CNTNAP2: variants seen among roughly 807,000 people sequenced by gnomAD.
CNTNAP2 encodes contactin-associated protein-like 2.
CNTNAP2 carries 98 observed loss-of-function variants against 155.2 expected under a neutral mutation model. That is an observed-to-expected ratio of 0.63 (90% confidence interval 0.54 to 0.75). The LOEUF is 0.75. Ranked by LOEUF, CNTNAP2 falls within the 30% of genes least tolerant of loss-of-function variation. The pLI is 0.00. For synonymous variants in CNTNAP2, 651 were observed against 631.2 expected (o/e 1.03, Z -0.47); for missense variants, 1,727 against 1,688.1 (o/e 1.02, Z -0.40).
At chr7:147,647,059 C>T (rs1169585041) in intron 13 of CNTNAP2, among the ~76,000 whole-genome samples, 1 of 151,596 alleles carries the variant, frequency 6.6e-6, no homozygotes. Flanking sequence ...AGGCTCACTG[C>T]AACCTCAGCC....
intron 1 of CNTNAP2, among the ~76,000 whole-genome samples, chr7:146,759,542 A>G (rs1294148889): frequency 6.6e-6 from 1 of 151,966 alleles, no homozygotes; most frequent in African/African-American, 2.4e-5. Context: ...AAATACAAAA[A>G]AAATTAGCTA....
At chr7:147,355,546 C>G (rs749442374) in intron 9 of CNTNAP2, among the ~76,000 whole-genome samples, 1 of 151,568 alleles carries the variant, frequency 6.6e-6, no homozygotes, top group African/African-American at 2.4e-5. Flanking sequence ...GACTGCTAGT[C>G]AGATTAATAA....
At chr7:146,804,383 T>A (rs1802932013) in intron 2 of CNTNAP2, among the ~76,000 whole-genome samples, 1 of 152,194 alleles carries the variant, frequency 6.6e-6, no homozygotes, top group South Asian at 2.1e-4. Context: ...CTACAAATAT[T>A]TATTGAATGT....
intron 17 of CNTNAP2, among the ~76,000 whole-genome samples, chr7:148,153,240 G>GAAA (rs3056237): frequency 0.31 from 39,834 of 129,714 alleles, 5,847 homozygotes; most frequent in East Asian, 0.38. Flanking sequence ...CAAAGTAACC[G>GAAA]AAAAAAAAAA....
chr7:148,095,676 T>C (rs1377543619), intron 15 of CNTNAP2, among the ~76,000 whole-genome samples: 3 of 152,136 alleles, frequency 2.0e-5, no homozygotes, highest in Non-Finnish European at 4.4e-5. Flanking sequence ...ACTACAGAAA[T>C]AGAATATCAG....
At position 146,395,135 on chromosome 7, in the gene CNTNAP2, G is replaced by A. The variant is rs973286706; in HGVS notation, c.97+278162G>A. ...ACATATATACCACATTTTCTTTATC[G>A]CATCATCCACTGATGGACACATAGG... is the stretch of plus-strand genomic sequence containing the variant. On this transcript the variant is annotated intron_variant, in intron 1 of 23. Coordinates refer to ENST00000361727, the MANE Select transcript of CNTNAP2 (RefSeq NM_014141.6). Among the ~76,000 whole-genome samples, 20 of 151,804 alleles carry A rather than the reference G, an allele frequency of 1.3e-4. 1 individual carries two copies. Among genetic ancestry groups the A allele is most frequent in the Non-Finnish European group, 4.4e-5 (3 of 67,994 alleles).
chr7:147,130,701 T>C (rs550730803), intron 7 of CNTNAP2, among the ~76,000 whole-genome samples: 1 of 152,242 alleles, frequency 6.6e-6, no homozygotes, highest in South Asian at 2.1e-4. Context: ...TGCTGGTATT[T>C]CAGTGAAATT....
intron 13 of CNTNAP2, among the ~76,000 whole-genome samples, chr7:147,735,177 C>T (rs1291813841): frequency 1.3e-5 from 2 of 152,126 alleles, no homozygotes; most frequent in Non-Finnish European, 2.9e-5. Context: ...AAATTTCCCT[C>T]TACACACTGA....
intron 13 of CNTNAP2, among the ~76,000 whole-genome samples, chr7:147,664,171 A>G (rs558940074): frequency 5.3e-5 from 8 of 152,240 alleles, no homozygotes; most frequent in Non-Finnish European, 1.0e-4. Context: ...CAGTGTGACT[A>G]TCAGGATTCT....
intron 13 of CNTNAP2, among the ~76,000 whole-genome samples, chr7:147,730,281 A>G (rs1796715996): frequency 6.6e-6 from 1 of 152,070 alleles, no homozygotes; most frequent in Non-Finnish European, 1.5e-5. Flanking sequence ...TGCTTTATTG[A>G]GCTTCGCAGA....
intron 11 of CNTNAP2, among the ~76,000 whole-genome samples, chr7:147,503,700 T>A (rs116418875): frequency 0.22 from 32,599 of 151,582 alleles, 4,165 homozygotes; most frequent in African/African-American, 0.35. Flanking sequence ...AAAAAAAATA[T>A]TTTTGACAGC....
intron 3 of CNTNAP2, among the ~76,000 whole-genome samples, chr7:146,930,510 C>G (rs1174380057): frequency 1.3e-5 from 2 of 152,150 alleles, no homozygotes; most frequent in East Asian, 3.9e-4. Context: ...ACCATCGATG[C>G]TAGGAAGAAA....
chr7:146,356,147 T>G (rs1794994853), intron 1 of CNTNAP2, among the ~76,000 whole-genome samples: 1 of 151,906 alleles, frequency 6.6e-6, no homozygotes, highest in Admixed American at 6.6e-5. Flanking sequence ...TAGCATTCCA[T>G]TTTCTGGACA....
chr7:146,590,898 A>G (rs558657629), intron 1 of CNTNAP2, among the ~76,000 whole-genome samples: 42 of 152,322 alleles, frequency 2.8e-4, no homozygotes, highest in African/African-American at 9.9e-4. Flanking sequence ...TATCCTGGAC[A>G]CATTGTTTTT....
At chr7:147,929,903 A>C (rs113697042) in intron 14 of CNTNAP2, among the ~76,000 whole-genome samples, 4 of 152,208 alleles carry the variant, frequency 2.6e-5, no homozygotes, top group Non-Finnish European at 4.4e-5. Context: ...TCTCATAAGG[A>C]GCACACAACC....
intron 18 of CNTNAP2, 76 bp downstream of exon 18, chr7:148,172,554 T>C: frequency 7.8e-7 from 1 of 1,288,140 alleles, no homozygotes; most frequent in East Asian, 2.3e-5. Flanking sequence ...TGATTTTTCA[T>C]ATGTAAACAA....
At chr7:147,247,747 A>G (rs1341883851) in intron 8 of CNTNAP2, among the ~76,000 whole-genome samples, 1 of 152,184 alleles carries the variant, frequency 6.6e-6, no homozygotes, top group African/African-American at 2.4e-5. Context: ...ATATCAAAGG[A>G]ATAGTTAAAA....
At chr7:147,856,430 T>C (rs1179414760) in intron 13 of CNTNAP2, among the ~76,000 whole-genome samples, 1 of 151,930 alleles carries the variant, frequency 6.6e-6, no homozygotes, top group Non-Finnish European at 1.5e-5. Flanking sequence ...AATGAATAAA[T>C]GTGGACGGGG....
intron 18 of CNTNAP2, among the ~76,000 whole-genome samples, chr7:148,199,096 T>G (rs1005701470): frequency 2.6e-5 from 4 of 152,124 alleles, no homozygotes; most frequent in African/African-American, 9.7e-5. Flanking sequence ...ATAGAGGGTT[T>G]TGAGCAAAGG....
Sources: gnomAD v4.1 joint callset for allele counts (sites outside exome capture counted in the v4.1 genomes callset) on GRCh38, gnomAD v4.1.1 for gene constraint, MANE v1.5 for transcripts, NCBI Gene and HGNC (gene_info 2026-07-23, HGNC 2026-07-21) for gene names.